GRIK4: variants seen among roughly 807,000 people sequenced by gnomAD.
The protein encoded by GRIK4 is glutamate ionotropic receptor kainate type subunit 4.
GRIK4 carries 40 observed loss-of-function variants against 104.9 expected under a neutral mutation model. That is an observed-to-expected ratio of 0.38 (90% CI 0.30 to 0.50). The LOEUF (loss-of-function observed/expected upper bound fraction) is 0.50. Among genes scored for constraint, GRIK4 ranks in the 20% least tolerant of loss-of-function variants. GRIK4 has a pLI of 0.93. For synonymous variants in GRIK4, 485 were observed against 524.9 expected (o/e 0.92, Z 1.04); for missense variants, 1,047 against 1,308.1 (o/e 0.80, Z 3.08).
At chr11:120,519,878 T>G (rs1218234284) in intron 1 of GRIK4, among the ~76,000 whole-genome samples, 4 of 102,028 alleles carry the variant, frequency 3.9e-5, no homozygotes, top group East Asian at 2.2e-4. Context: ...TTTTTTTTTT[T>G]TGTTTTTTTT....
chr11:120,913,367 G>A (rs1943039412), intron 13 of GRIK4, among the ~76,000 whole-genome samples: 1 of 151,886 alleles, frequency 6.6e-6, no homozygotes, highest in Admixed American at 6.6e-5. Flanking sequence ...CACTCCATCT[G>A]TAAAGTGACA....
chr11:120,821,565 C>A (rs968520568), intron 6 of GRIK4, among the ~76,000 whole-genome samples: 2 of 152,182 alleles, frequency 1.3e-5, no homozygotes, highest in Non-Finnish European at 1.5e-5. Context: ...CGAGGCAGTT[C>A]TCATCATGGG....
intron 1 of GRIK4, among the ~76,000 whole-genome samples, chr11:120,559,951 G>A (rs1484633493): frequency 6.6e-6 from 1 of 152,104 alleles, no homozygotes; most frequent in Non-Finnish European, 1.5e-5. Flanking sequence ...AGGTCTTCTG[G>A]TTTCCTTCTG....
intron 8 of GRIK4, among the ~76,000 whole-genome samples, chr11:120,845,060 C>T (rs980755208): frequency 2.6e-4 from 39 of 152,130 alleles, no homozygotes; most frequent in Admixed American, 1.2e-3. Context: ...GAGCCAGAAC[C>T]CAAGGGTCTT....
chr11:120,704,226 A>T (rs1197957227), intron 3 of GRIK4, among the ~76,000 whole-genome samples: 2 of 152,184 alleles, frequency 1.3e-5, no homozygotes, highest in African/African-American at 4.8e-5. Flanking sequence ...TTTTCTTATG[A>T]TGATATATAT....
At chr11:120,854,873 T>C (rs1591992892) in intron 8 of GRIK4, among the ~76,000 whole-genome samples, 1 of 152,022 alleles carries the variant, frequency 6.6e-6, no homozygotes, top group Admixed American at 6.6e-5. Flanking sequence ...TAAAGATTGG[T>C]TTTTGGAATG....
chr11:120,947,698 C>T (rs1943895932), intron 14 of GRIK4, among the ~76,000 whole-genome samples: 1 of 152,084 alleles, frequency 6.6e-6, no homozygotes, highest in East Asian at 1.9e-4. Flanking sequence ...TTATTGAGTG[C>T]CTCTCTCTGA....
chr11:120,660,720 C>T (rs1461894977), intron 3 of GRIK4, among the ~76,000 whole-genome samples: 1 of 152,200 alleles, frequency 6.6e-6, no homozygotes, highest in Admixed American at 6.5e-5. Flanking sequence ...GCCATGGGGA[C>T]TCCAAATCTA....
rs1183690405 is a variant in GRIK4, at chr11:120,952,184, A to G, written c.1591-671A>G. ...CCCTGGCCTTGCAACGTGTTTTCCC[A>G]CGGTGCAGTGGAGTGAGCCCTGGGC... On this transcript the variant is annotated intron_variant, in intron 14 of 20. Coordinates refer to ENST00000527524, the MANE Select transcript of GRIK4 (RefSeq NM_014619.5). The surrounding 1 kb of genome is among the most constrained non-coding windows in gnomAD (Gnocchi z 5.2). Among the ~76,000 whole-genome samples, 3 of 151,978 alleles carry G rather than the reference A, an allele frequency of 2.0e-5. No homozygotes were observed. The highest frequency in any genetic ancestry group is 4.8e-5 in the African/African-American group (2 of 41,356).
intron 11 of GRIK4, among the ~76,000 whole-genome samples, chr11:120,895,665 G>A (rs918805510): frequency 6.6e-6 from 1 of 152,160 alleles, no homozygotes; most frequent in Non-Finnish European, 1.5e-5. Flanking sequence ...ACAGATCTAG[G>A]TTCAAGCCCG....
chr11:120,917,075 G>A (rs1305674462), intron 13 of GRIK4, among the ~76,000 whole-genome samples: 1 of 151,672 alleles, frequency 6.6e-6, no homozygotes, highest in East Asian at 1.9e-4. Context: ...GAGAAACCTC[G>A]TCTCTGATAA....
intron 1 of GRIK4, among the ~76,000 whole-genome samples, chr11:120,592,520 T>C (rs1175486677): frequency 6.6e-6 from 1 of 152,200 alleles, no homozygotes; most frequent in Non-Finnish European, 1.5e-5. Context: ...CTGAAAATCA[T>C]AGTTCAATGC....
chr11:120,934,552 G>A (rs1943554505), intron 13 of GRIK4, among the ~76,000 whole-genome samples: 1 of 152,150 alleles, frequency 6.6e-6, no homozygotes, highest in Non-Finnish European at 1.5e-5. Flanking sequence ...GCAGCTGCAC[G>A]GCCCCTATTA....
At chr11:120,867,535 C>T (rs1443794393) in intron 9 of GRIK4, among the ~76,000 whole-genome samples, 1 of 151,984 alleles carries the variant, frequency 6.6e-6, no homozygotes, top group East Asian at 1.9e-4. Flanking sequence ...ACTCTTGGCA[C>T]TTTCTTCTCT....
intron 3 of GRIK4, among the ~76,000 whole-genome samples, chr11:120,801,583 AT>A (rs1179706521): frequency 6.6e-6 from 1 of 152,102 alleles, no homozygotes; most frequent in South Asian, 2.1e-4. Flanking sequence ...AGTACCTGTT[AT>A]TTTTTATTGT....
chr11:120,906,132 A>G (rs1407704225), intron 13 of GRIK4, among the ~76,000 whole-genome samples: 1 of 152,252 alleles, frequency 6.6e-6, no homozygotes, highest in African/African-American at 2.4e-5. Flanking sequence ...CTGTTAGGTT[A>G]GAGCAAGGGT....
At chr11:120,574,153 G>A (rs111969275) in intron 1 of GRIK4, among the ~76,000 whole-genome samples, 4 of 152,294 alleles carry the variant, frequency 2.6e-5, no homozygotes, top group Non-Finnish European at 4.4e-5. Flanking sequence ...CTCCTCCCAC[G>A]TGCCAGGTGC....
chr11:120,763,333 C>A (rs934383818), intron 3 of GRIK4, among the ~76,000 whole-genome samples: 2 of 151,906 alleles, frequency 1.3e-5, no homozygotes, highest in Non-Finnish European at 2.9e-5. Flanking sequence ...ATTCTTCTGT[C>A]TTTTTCTTTA....
At chr11:120,772,416 C>G (rs1390362728) in intron 3 of GRIK4, among the ~76,000 whole-genome samples, 1 of 152,118 alleles carries the variant, frequency 6.6e-6, no homozygotes, top group East Asian at 1.9e-4. Flanking sequence ...TTTTCTTGAG[C>G]ACCTACTGCA....
Sources: allele counts gnomAD v4.1 joint callset (sites outside exome capture counted in the v4.1 genomes callset), GRCh38; gene constraint gnomAD v4.1.1; non-coding constraint Gnocchi (gnomAD v3.1); transcripts MANE v1.5; gene names NCBI Gene and HGNC (gene_info 2026-07-23, HGNC 2026-07-21).